Variants in RUNDC3B observed in about 807,000 individuals in gnomAD.
RUNDC3B encodes the protein RUN domain-containing protein 3B.
RUNDC3B carries 33 observed loss-of-function variants against 58.4 expected under a neutral mutation model. The observed-to-expected ratio is 0.56, with a 90% CI of 0.43 to 0.75. The LOEUF (loss-of-function observed/expected upper bound fraction) is 0.75. Ranked by LOEUF, RUNDC3B falls within the 30% of genes least tolerant of loss-of-function variation. The probability of loss-of-function intolerance (pLI) is 0.00; values close to 1 mark genes in which losing one functional copy is unlikely to be tolerated. For synonymous variants in RUNDC3B, 193 were observed against 195.2 expected, an observed-to-expected ratio of 0.99 and a Z score of 0.10; for missense variants, 501 against 535.7, an observed-to-expected ratio of 0.94 and a Z score of 0.64.
Position 87,816,132 on chromosome 7 carries a change from G to C in RUNDC3B, c.1104-9G>C. 1 of 1,590,144 alleles carries C rather than the reference G, an allele frequency of 6.3e-7. No individual in the cohort carries two copies. The highest frequency in any genetic ancestry group is 8.6e-7 in the Non-Finnish European group (1 of 1,163,568). ...GAAATTCAAGTAGTATTTCATCCTT[G>C]CTTTACAGGAAAAGTTATCAAAGTC... On this transcript the variant is annotated splice_polypyrimidine_tract_variant and intron_variant, in intron 9 of 10. Transcript: ENST00000394654.
At chr7:87,644,371 G>A (rs1822768859) in intron 1 of RUNDC3B, among the ~76,000 whole-genome samples, 2 of 152,194 alleles carry the variant, frequency 1.3e-5, no homozygotes, top group African/African-American at 4.8e-5. Context: ...AATGGCAGAG[G>A]ATAATTACCT....
At chr7:87,724,222 C>T (rs958977828) in intron 4 of RUNDC3B, among the ~76,000 whole-genome samples, 5 of 152,236 alleles carry the variant, frequency 3.3e-5, no homozygotes, top group African/African-American at 9.6e-5. Context: ...GACCCTGTCT[C>T]TCTGAGTCCC....
At chr7:87,672,371 T>C (rs1276167570) in intron 2 of RUNDC3B, among the ~76,000 whole-genome samples, 2 of 152,088 alleles carry the variant, frequency 1.3e-5, no homozygotes, top group Non-Finnish European at 2.9e-5. Flanking sequence ...CCAAACAGCA[T>C]AGATGGTGGC....
At chr7:87,744,492 C>A (rs1388193767) in intron 6 of RUNDC3B, among the ~76,000 whole-genome samples, 2 of 152,118 alleles carry the variant, frequency 1.3e-5, no homozygotes, top group Non-Finnish European at 2.9e-5. Context: ...TTTCTTTCAG[C>A]AGTGTTTTGT....
chr7:87,734,637 TCACAC>T (rs1450573982), intron 4 of RUNDC3B, among the ~76,000 whole-genome samples: 11 of 152,168 alleles, frequency 7.2e-5, no homozygotes, highest in Non-Finnish European at 1.3e-4. Flanking sequence ...AAGCACTTCT[TCACAC>T]TGTCATCATT....
At chr7:87,782,667 C>A (rs1040866400) in intron 8 of RUNDC3B, among the ~76,000 whole-genome samples, 5 of 152,008 alleles carry the variant, frequency 3.3e-5, no homozygotes, top group African/African-American at 1.2e-4. Flanking sequence ...TGTTGTATCT[C>A]TTTTTCATTT....
intron 4 of RUNDC3B, among the ~76,000 whole-genome samples, chr7:87,717,889 A>G (rs536794338): frequency 2.0e-5 from 3 of 152,284 alleles, no homozygotes; most frequent in African/African-American, 7.2e-5. Flanking sequence ...ACAGTTAGAA[A>G]AGAAAATTAT....
At chr7:87,648,735 A>G (rs1240070561) in intron 1 of RUNDC3B, among the ~76,000 whole-genome samples, 3 of 152,096 alleles carry the variant, frequency 2.0e-5, no homozygotes, top group African/African-American at 7.2e-5. Flanking sequence ...GAAAGTTTTT[A>G]ATGTTTTGAC....
intron 4 of RUNDC3B, among the ~76,000 whole-genome samples, chr7:87,733,950 G>A (rs1831765374): frequency 6.6e-6 from 1 of 152,126 alleles, no homozygotes; most frequent in African/African-American, 2.4e-5. Context: ...TTACAACTCA[G>A]TAATAAAAAG....
chr7:87,726,391 C>A (rs546017055), intron 4 of RUNDC3B, among the ~76,000 whole-genome samples: 1 of 152,250 alleles, frequency 6.6e-6, no homozygotes, highest in Admixed American at 6.5e-5. Context: ...CGTCAAAGAT[C>A]AGATGGTTGT....
chr7:87,653,454 T>G (rs181558221), intron 2 of RUNDC3B, among the ~76,000 whole-genome samples: 1 of 152,222 alleles, frequency 6.6e-6, no homozygotes, highest in African/African-American at 2.4e-5. Flanking sequence ...GAAGCACTAC[T>G]GTTTTCTAGC....
intron 4 of RUNDC3B, 55 bp from the exon 5 acceptor site, chr7:87,739,736 A>T: frequency 1.2e-6 from 1 of 806,762 alleles, no homozygotes; most frequent in South Asian, 1.8e-5. Flanking sequence ...ATTTCTCTCG[A>T]TCAAACTTCC....
chr7:87,768,165 A>C (rs754021872), intron 6 of RUNDC3B, among the ~76,000 whole-genome samples: 2 of 152,196 alleles, frequency 1.3e-5, no homozygotes, highest in African/African-American at 2.4e-5. Context: ...CCTTCGCTGC[A>C]TCTGCAGTAG....
intron 4 of RUNDC3B, among the ~76,000 whole-genome samples, chr7:87,732,510 A>C (rs1831643635): frequency 6.6e-6 from 1 of 152,172 alleles, no homozygotes; most frequent in Non-Finnish European, 1.5e-5. Context: ...AGGAACAAAG[A>C]AGGCCACATT....
chr7:87,690,949 A>G (rs1827956727), intron 2 of RUNDC3B, among the ~76,000 whole-genome samples: 1 of 152,142 alleles, frequency 6.6e-6, no homozygotes, highest in South Asian at 2.1e-4. Context: ...AGAGAGAGAG[A>G]AAATAGAATA....
At chr7:87,708,808 G>A (rs997069009) in intron 3 of RUNDC3B, among the ~76,000 whole-genome samples, 1 of 152,048 alleles carries the variant, frequency 6.6e-6, no homozygotes, top group African/African-American at 2.4e-5. Flanking sequence ...AGTAGGGATA[G>A]TATTGTAACC....
intron 6 of RUNDC3B, among the ~76,000 whole-genome samples, chr7:87,754,749 G>C (rs1161519907): frequency 6.6e-6 from 1 of 151,750 alleles, no homozygotes; most frequent in African/African-American, 2.4e-5. Context: ...ATGACAAAGG[G>C]GATGTTACCA....
chr7:87,733,239 C>A (rs919403415), intron 4 of RUNDC3B, among the ~76,000 whole-genome samples: 14 of 152,258 alleles, frequency 9.2e-5, no homozygotes, highest in African/African-American at 2.9e-4. Context: ...GTGAAACCTC[C>A]CTGACTGTAC....
At chr7:87,642,602 A>T (rs1822563045) in intron 1 of RUNDC3B, among the ~76,000 whole-genome samples, 1 of 151,836 alleles carries the variant, frequency 6.6e-6, no homozygotes, top group South Asian at 2.1e-4. Context: ...TCTTTTTGGA[A>T]AGTTTTGCCT....
Sources: gnomAD v4.1 joint callset for allele counts (sites outside exome capture counted in the v4.1 genomes callset) on GRCh38, gnomAD v4.1.1 for gene constraint, MANE v1.5 for transcripts, NCBI Gene and HGNC (gene_info 2026-07-23, HGNC 2026-07-21) for gene names.